Variants in FXYD3 observed in about 807,000 individuals in gnomAD.
FXYD3 encodes FXYD domain containing ion transport regulator 3.
A neutral mutation model predicts 19.2 loss-of-function variants in FXYD3; 13 were observed. The ratio of observed to expected loss-of-function variants is 0.68; its 90% CI spans 0.44 to 1.08. The LOEUF is 1.08. Ranked by LOEUF, FXYD3 falls within the 50% of genes least tolerant of loss-of-function variation. The probability of loss-of-function intolerance (pLI) is 0.00; values close to 1 mark genes in which losing one functional copy is unlikely to be tolerated. For synonymous variants in FXYD3, 48 were observed against 38.9 expected (o/e 1.23, Z -0.87); for missense variants, 101 against 109.4 (o/e 0.92, Z 0.34).
chr19:35,116,056 C>G (rs1210357839), intron 1 of FXYD3, 97 bp downstream of exon 1: 1 of 178,612 alleles, frequency 5.6e-6, no homozygotes, highest in Non-Finnish European at 1.1e-5. Context: ...CTCCTGGGCA[C>G]AGGAGATTGG....
chr19:35,119,675 G>T (rs2054189), intron 3 of FXYD3: 407,878 of 542,882 alleles, frequency 0.75, 155,391 homozygotes, highest in South Asian at 0.79. Flanking sequence ...TTTTGTTTTT[G>T]TTTTTGTTTT....
chr19:35,123,427 A>G lies in FXYD3; in HGVS notation c.248-14A>G. On this transcript the variant is annotated splice_polypyrimidine_tract_variant and intron_variant, in intron 8 of 8. Transcript: ENST00000604404. ...CAATCCACCCTCACAAACGGACCCCATCACTTCCCGCAGGCTCAGCCCAAA... is the reference window on the plus strand; with the variant it reads ...CAATCCACCCTCACAAACGGACCCCGTCACTTCCCGCAGGCTCAGCCCAAA... 1.2e-6 allele frequency: 2 copies of G among 1,613,966 alleles called. No homozygotes were observed. The highest frequency in any genetic ancestry group is 1.7e-6 in the Non-Finnish European group (2 of 1,179,958).
chr19:35,116,647 TCTGGGTTGGGGATAG>T, intron 2 of FXYD3: 1 of 985,142 alleles, frequency 1.0e-6, no homozygotes, highest in Non-Finnish European at 1.2e-6. Flanking sequence ...ATTAGGGATA[TCTGGGTTGGGGATAG>T]CTGGGTGGAG....
intron 2 of FXYD3, chr19:35,118,571 C>T (rs1366649382): frequency 1.0e-6 from 1 of 991,690 alleles, no homozygotes; most frequent in Non-Finnish European, 1.2e-6. Flanking sequence ...AAAGTGTTTG[C>T]TGTCACCAGG....
At chr19:35,119,452 A>C (rs1317443600) in intron 3 of FXYD3, 36 bp downstream of exon 3, 1 of 1,589,892 alleles carries the variant, frequency 6.3e-7, no homozygotes, top group South Asian at 1.1e-5. Flanking sequence ...TTTCCTCTGG[A>C]TCCCCTGGAT....
In FXYD3 at chr19:35,123,905, TG is replaced by T; in HGVS notation, c.*450del. The T allele has an allele frequency of 4.7e-6, 1 of 214,386 alleles. No homozygotes were observed. The highest frequency in any genetic ancestry group is 1.1e-4 in the East Asian group (1 of 8,846). 13.3% of individuals were successfully genotyped at this position (214,386 alleles called of 1,614,324 possible). On this transcript the variant is annotated 3_prime_UTR_variant, in exon 9 of 9. Coordinates refer to ENST00000604404, the MANE Select transcript of FXYD3 (RefSeq NM_005971.4). The stretch of plus-strand genomic sequence containing the variant: ...GGAATGAAAGAGAGCTCTAACCAGA[TG>T]GAACACTGGAACATTCCAGTGGACC...
Position 35,123,322 on chromosome 19 carries a change from G to C in FXYD3, c.247+14G>C, listed in dbSNP as rs1184679895. 2.5e-6 allele frequency: 4 copies of C among 1,611,146 alleles called. No homozygotes were observed. In the African/African-American group the frequency reaches 5.3e-5, roughly 22 times the overall value. On this transcript the variant is annotated intron_variant, in intron 8 of 8. Transcript: ENST00000604404. ...TCATCACCCCAGGTAAGATGGGGCAGCATGGGGCTCAGGGGAACACGGAAG... is the reference window on the plus strand; with the variant it reads ...TCATCACCCCAGGTAAGATGGGGCACCATGGGGCTCAGGGGAACACGGAAG...
rs117868611 is a variant in FXYD3, at chr19:35,121,228, A to G, written c.80A>G (p.Asn27Ser). 4.6e-4 allele frequency: 737 copies of G among 1,614,056 alleles called. 10 individuals carry two copies. The East Asian group carries it at 0.015, about 33-fold the overall frequency. The change falls in exon 5 of 9, where the codon AAC (asparagine) becomes AGC (serine). Residue 27 changes from asparagine (N) to serine (S), a missense_variant. Asn to Ser is a conservative substitution (Grantham distance 46). Coordinates refer to ENST00000604404, the MANE Select transcript of FXYD3 (RefSeq NM_005971.4). ...VLDANDLEDK[N>S]SPFYYDWHSL... is the part of the protein sequence containing the mutation. ...CTTTTTTCTTTCCTTGCAGATAAAA[A>G]CAGTCCTTTCTACTATGGTGAGAGC... is the stretch of plus-strand genomic sequence containing the variant.
chr19:35,122,834 T>C lies in FXYD3; in HGVS notation c.167T>C (p.Val56Ala). 1 of 1,613,986 alleles carries C rather than the reference T, an allele frequency of 6.2e-7. No homozygotes were observed. Among genetic ancestry groups the C allele is most frequent in the Non-Finnish European group, 8.5e-7 (1 of 1,179,942 alleles). Residue 56 changes from valine to alanine, a missense_variant, in exon 6 of 9, where the codon GTC (valine) becomes GCC (alanine). Coordinates refer to ENST00000604404, the MANE Select transcript of FXYD3 (RefSeq NM_005971.4). ...CTGTGCGCCATGGGCATCATCATCGTCATGAGTGAGTGGAGGAGCTCGGGG... is the reference window on the plus strand; with the variant it reads ...CTGTGCGCCATGGGCATCATCATCGCCATGAGTGAGTGGAGGAGCTCGGGG... ...GVLCAMGIII[V>A]MSAKCKCKFG...
intron 2 of FXYD3, 109 bp downstream of exon 2, chr19:35,116,468 G>T: frequency 1.0e-6 from 1 of 985,300 alleles, no homozygotes. Context: ...ATGTTAAAGC[G>T]CCTAAAATCT....
At chr19:35,116,987 G>A in intron 2 of FXYD3, 1 of 985,368 alleles carries the variant, frequency 1.0e-6, no homozygotes, top group South Asian at 4.7e-5. Context: ...TTCTCCCATG[G>A]TATGGAGGAA....
In FXYD3 at chr19:35,123,366, GTA is replaced by G. The variant is rs1195157788; in HGVS notation, c.247+60_247+61del. On this transcript the variant is annotated intron_variant, in intron 8 of 8. Coordinates refer to ENST00000604404, the MANE Select transcript of FXYD3 (RefSeq NM_005971.4). The stretch of plus-strand genomic sequence containing the variant: ...ACGGAAGTGGTGTGTGTGTGTGTGT[GTA>G]TGTGTGTGTTTGCACACTGGAAAGA... 7.5e-6 allele frequency: 12 copies of G among 1,605,470 alleles called. 1 individual carries two copies. The highest frequency in any genetic ancestry group is 4.5e-5 in the East Asian group (2 of 44,836).
intron 2 of FXYD3, chr19:35,119,061 C>A: frequency 1.4e-6 from 1 of 725,318 alleles, no homozygotes; most frequent in Non-Finnish European, 2.4e-6. Flanking sequence ...CCCCATCTGT[C>A]CAGTGAGGAC....
rs1346910691 is a variant in FXYD3 at position 35,123,571 on chromosome 19, T to C, written c.*114T>C. On this transcript the variant is annotated 3_prime_UTR_variant, in exon 9 of 9. Transcript: ENST00000604404. The stretch of plus-strand genomic sequence containing the variant: ...TTCTTCCTCCTCTGCTGGGACTCCT[T>C]TGCATGGCAGGGCCTCATCTCACCT... The C allele has an allele frequency of 1.3e-5, 14 of 1,117,056 alleles. No homozygotes were observed. The highest frequency in any genetic ancestry group is 1.7e-5 in the Non-Finnish European group (13 of 743,664). The allele number at this position is 1,117,056 out of a possible 1,614,324, so 69.2% of individuals were successfully genotyped here.
In FXYD3 at chr19:35,116,352, C is replaced by A. The variant is rs969092691; in HGVS notation, c.-22C>A. The A allele has an allele frequency of 1.3e-4, 130 of 985,400 alleles. No individual in the cohort carries two copies. Among genetic ancestry groups the A allele is most frequent in the Non-Finnish European group, 1.5e-4 (127 of 829,998 alleles). The allele number at this position is 985,400 out of a possible 1,614,324, so 61.0% of individuals were successfully genotyped here. ...CGGAACCTCTGCTCAGCCTGGTGAA[C>A]CACACAGGTGAGCAGCTGGGGCCCC... On this transcript the variant is annotated 5_prime_UTR_variant, in exon 2 of 9. Coordinates refer to ENST00000604404, the MANE Select transcript of FXYD3 (RefSeq NM_005971.4).
At chr19:35,119,531 C>G in intron 3 of FXYD3, 115 bp downstream of exon 3, 1 of 915,180 alleles carries the variant, frequency 1.1e-6, no homozygotes, top group Middle Eastern at 3.3e-4. Flanking sequence ...AATGTTAGAA[C>G]AGCATCTCCC....
Position 35,121,081 on chromosome 19 carries a change from T to C in FXYD3, c.44T>C (p.Phe15Ser). ...TLGLLVFLAG[F>S]PVLDANDLED... Reference sequence around the variant, plus strand: ...CCTTCCCCTCTTCTCCCACTAGGCTTTCCTGTCCTGGACGCCAATGACCTA... The same window carrying C: ...CCTTCCCCTCTTCTCCCACTAGGCTCTCCTGTCCTGGACGCCAATGACCTA... The change falls in exon 4 of 9, where the codon TTT becomes TCT. Residue 15 changes from phenylalanine to serine, a missense_variant. Transcript: ENST00000604404. The C allele has an allele frequency of 1.2e-6, 2 of 1,612,776 alleles. No individual in the cohort carries two copies. The highest frequency in any genetic ancestry group is 8.5e-7 in the Non-Finnish European group (1 of 1,180,034).
chr19:35,118,377 AAT>A, intron 2 of FXYD3: 10 of 529,524 alleles, frequency 1.9e-5, no homozygotes, highest in African/African-American at 4.6e-5. Context: ...AAAAAAAAAC[AAT>A]TATGATAACT....
intron 5 of FXYD3, 60 bp from the exon 6 acceptor site, chr19:35,122,705 T>G: frequency 1.5e-6 from 2 of 1,345,418 alleles, no homozygotes; most frequent in Non-Finnish European, 2.1e-6. Context: ...GTCAAGAGAA[T>G]GGGGGGACAG....
Sources: allele counts gnomAD v4.1 joint callset, GRCh38; gene constraint gnomAD v4.1.1; transcripts MANE v1.5; gene names NCBI Gene and HGNC (gene_info 2026-07-23, HGNC 2026-07-21).